The following FARS2 variants were observed in gnomAD, a reference collection of about 807,000 sequenced individuals.
FARS2 encodes phenylalanine--tRNA ligase, mitochondrial.
A neutral mutation model predicts 46.4 loss-of-function variants in FARS2; 40 were observed. The observed-to-expected ratio is 0.86, with a 90% CI of 0.67 to 1.12. FARS2 has a LOEUF of 1.12. Ranked by LOEUF, FARS2 falls within the 50% of genes most tolerant of loss-of-function variation. FARS2 has a pLI of 0.00. For missense variants in FARS2, 513 were observed against 567.9 expected (o/e 0.90, Z 0.98); for synonymous variants, 234 against 214.9 (o/e 1.09, Z -0.78).
At chr6:5,600,413 T>G (rs775675972) in intron 5 of FARS2, among the ~76,000 whole-genome samples, 13 of 152,074 alleles carry the variant, frequency 8.5e-5, no homozygotes, top group Non-Finnish European at 1.8e-4. Flanking sequence ...TGGTACTCAG[T>G]GAAAGTAAGA....
chr6:5,577,826 G>A (rs992191582), intron 5 of FARS2, among the ~76,000 whole-genome samples: 1 of 151,454 alleles, frequency 6.6e-6, no homozygotes, highest in South Asian at 2.1e-4. Flanking sequence ...TTGAGAGATG[G>A]AGTCTCACTC....
chr6:5,719,577 G>C (rs751400230), intron 6 of FARS2, among the ~76,000 whole-genome samples: 1 of 152,102 alleles, frequency 6.6e-6, no homozygotes, highest in Non-Finnish European at 1.5e-5. Flanking sequence ...AGGCAGTTGC[G>C]AGGGCACAAC....
chr6:5,568,856 G>A (rs1344136868), intron 5 of FARS2, among the ~76,000 whole-genome samples: 1 of 152,212 alleles, frequency 6.6e-6, no homozygotes, highest in Non-Finnish European at 1.5e-5. Context: ...CAGAAGAAAT[G>A]ATGTGATATC....
chr6:5,388,119 T>G (rs1379326250), intron 2 of FARS2, among the ~76,000 whole-genome samples: 1 of 152,206 alleles, frequency 6.6e-6, no homozygotes. Context: ...CAGTTATCTT[T>G]GACAGTGGGA....
chr6:5,597,871 C>A (rs1201096176), intron 5 of FARS2, among the ~76,000 whole-genome samples: 1 of 152,048 alleles, frequency 6.6e-6, no homozygotes, highest in East Asian at 1.9e-4. Context: ...CATTGATATC[C>A]TTTTTCCTTT....
At chr6:5,600,871 A>G (rs1774469836) in intron 5 of FARS2, among the ~76,000 whole-genome samples, 1 of 152,206 alleles carries the variant, frequency 6.6e-6, no homozygotes. Context: ...AACTTGGACT[A>G]AATGTTTGTG....
chr6:5,421,737 C>T (rs1021042372), intron 3 of FARS2, among the ~76,000 whole-genome samples: 23 of 152,196 alleles, frequency 1.5e-4, no homozygotes, highest in African/African-American at 5.5e-4. Flanking sequence ...AGTTACTTTG[C>T]TCCATTTCCG....
chr6:5,701,987 C>G (rs1333719375), intron 6 of FARS2, among the ~76,000 whole-genome samples: 4 of 152,144 alleles, frequency 2.6e-5, no homozygotes, highest in African/African-American at 9.7e-5. Context: ...CAGCAGCATA[C>G]TTACAGATGT....
intron 5 of FARS2, among the ~76,000 whole-genome samples, chr6:5,555,041 A>G (rs1352804953): frequency 2.0e-5 from 3 of 152,052 alleles, no homozygotes; most frequent in Admixed American, 2.0e-4. Context: ...CATAATTCCC[A>G]CGTGTTGTGG....
intron 6 of FARS2, among the ~76,000 whole-genome samples, chr6:5,693,954 C>T (rs976386507): frequency 7.9e-5 from 12 of 152,198 alleles, no homozygotes; most frequent in African/African-American, 2.9e-4. Flanking sequence ...TTTCCACCGC[C>T]CTCTACTAGC....
At chr6:5,427,783 G>A (rs1762933785) in intron 3 of FARS2, among the ~76,000 whole-genome samples, 1 of 152,082 alleles carries the variant, frequency 6.6e-6, no homozygotes, top group African/African-American at 2.4e-5. Context: ...GGATGATTGA[G>A]GAAGAAGAAA....
At chr6:5,663,721 A>G (rs959084535) in intron 6 of FARS2, among the ~76,000 whole-genome samples, 4 of 152,172 alleles carry the variant, frequency 2.6e-5, no homozygotes, top group African/African-American at 9.7e-5. Flanking sequence ...ATTTAGAATC[A>G]TTTTTCCAGT....
intron 6 of FARS2, among the ~76,000 whole-genome samples, chr6:5,734,586 A>G (rs1271011433): frequency 6.6e-6 from 1 of 152,204 alleles, no homozygotes; most frequent in Admixed American, 6.5e-5. Flanking sequence ...TGATGATGAC[A>G]GGGAACACGT....
chr6:5,763,690 G>A (rs1478560292), intron 6 of FARS2, among the ~76,000 whole-genome samples: 1 of 151,540 alleles, frequency 6.6e-6, no homozygotes, highest in Non-Finnish European at 1.5e-5. Context: ...TAAGCCCAGA[G>A]CAGTTCATTA....
intron 6 of FARS2, among the ~76,000 whole-genome samples, chr6:5,739,925 T>A (rs1761223330): frequency 1.3e-5 from 2 of 152,200 alleles, no homozygotes; most frequent in African/African-American, 4.8e-5. Flanking sequence ...TTTAATCCCA[T>A]CAGCAACTCT....
At chr6:5,362,369 G>A (rs1458507934) in intron 1 of FARS2, among the ~76,000 whole-genome samples, 1 of 152,160 alleles carries the variant, frequency 6.6e-6, no homozygotes, top group Non-Finnish European at 1.5e-5. Flanking sequence ...GAGAGAGAGC[G>A]AGAGTTCTCC....
intron 6 of FARS2, among the ~76,000 whole-genome samples, chr6:5,715,533 AT>A (rs1759443240): frequency 6.6e-6 from 1 of 152,102 alleles, no homozygotes; most frequent in African/African-American, 2.4e-5. Flanking sequence ...TGTTTCTACA[AT>A]TTACCTATTC....
At chr6:5,487,986 G>A (rs1188426486) in intron 4 of FARS2, among the ~76,000 whole-genome samples, 4 of 152,148 alleles carry the variant, frequency 2.6e-5, no homozygotes, top group African/African-American at 7.2e-5. Flanking sequence ...GGCTTATTCT[G>A]GAGAATATTC....
chr6:5,597,910 T>G (rs9378434), intron 5 of FARS2, among the ~76,000 whole-genome samples: 36,255 of 151,944 alleles, frequency 0.24, 4,427 homozygotes, highest in Admixed American at 0.29. Context: ...GTACTTGATA[T>G]TTAGAAAATA....
Sources: gnomAD v4.1 joint callset for allele counts (sites outside exome capture counted in the v4.1 genomes callset) on GRCh38, gnomAD v4.1.1 for gene constraint, MANE v1.5 for transcripts, NCBI Gene and HGNC (gene_info 2026-07-23, HGNC 2026-07-21) for gene names.